Variants in COL17A1 observed in about 807,000 individuals in gnomAD.
COL17A1 encodes the protein collagen alpha-1(XVII) chain.
In COL17A1, 181 loss-of-function variants were observed where a neutral mutation model predicts 218.4. That is an observed-to-expected ratio of 0.83 (90% CI 0.73 to 0.94). The LOEUF (loss-of-function observed/expected upper bound fraction) is 0.94, where lower values mean the gene tolerates loss of function less well. Ranked by LOEUF, COL17A1 falls within the 40% of genes least tolerant of loss-of-function variation. The pLI is 0.00. For missense variants in COL17A1, 1,924 were observed against 1,945.9 expected (o/e 0.99, Z 0.21); for synonymous variants, 721 against 731.0 (o/e 0.99, Z 0.22).
Position 104,032,295 on chromosome 10 carries a change from AAGTT to A in COL17A1, c.4439-9_4439-6del. 6 of 1,613,534 alleles carry A rather than the reference AAGTT, an allele frequency of 3.7e-6. No homozygotes were observed. The highest frequency in any genetic ancestry group is 5.1e-6 in the Non-Finnish European group (6 of 1,179,456). On this transcript the variant is annotated splice_polypyrimidine_tract_variant and splice_region_variant and intron_variant, in intron 55 of 55. Transcript: ENST00000648076. ...GCCCAGCATAGACTTGGTCACCTGA[AAGTT>A]AGAAGATCAGTAGGAAGTTAAAACA...
At chr10:104,080,231 T>C (rs777308919) in intron 2 of COL17A1, among the ~76,000 whole-genome samples, 6 of 152,226 alleles carry the variant, frequency 3.9e-5, no homozygotes, top group Non-Finnish European at 8.8e-5. Context: ...AATTTATTTG[T>C]TTTCAATTTT....
chr10:104,078,179 C>G (rs1227507220), intron 3 of COL17A1, among the ~76,000 whole-genome samples: 2 of 152,148 alleles, frequency 1.3e-5, no homozygotes, highest in Non-Finnish European at 2.9e-5. Flanking sequence ...CAGGTTAGAT[C>G]AGATATCCAA....
intron 5 of COL17A1, 84 bp from the exon 6 acceptor site, chr10:104,074,315 T>C (rs2086691706): frequency 1.3e-6 from 2 of 1,589,470 alleles, no homozygotes; most frequent in Admixed American, 3.3e-5. Flanking sequence ...CTGTTACTTA[T>C]TTCTGGACCT....
chr10:104,051,531 A>C lies in COL17A1; in HGVS notation c.2003-15T>G, dbSNP rs2086469931. The C allele has an allele frequency of 6.2e-7, 1 of 1,613,864 alleles. No homozygotes were observed. The highest frequency in any genetic ancestry group is 8.5e-7 in the Non-Finnish European group (1 of 1,180,008). On this transcript the variant is annotated splice_polypyrimidine_tract_variant and intron_variant, in intron 24 of 55. Coordinates refer to ENST00000648076, the MANE Select transcript of COL17A1 (RefSeq NM_000494.4). ...GCCGCTGGAACCTGAGAAGGAGGAC[A>C]AGACAGCAATCAGCAGAGGGGCAGA...
intron 32 of COL17A1, 138 bp downstream of exon 32, chr10:104,046,609 A>T (rs2086412553): frequency 1.2e-6 from 1 of 801,598 alleles, no homozygotes; most frequent in East Asian, 2.6e-5. Flanking sequence ...GCTTCTCACG[A>T]CTCATAGTGA....
intron 10 of COL17A1, 72 bp downstream of exon 10, chr10:104,064,366 G>C (rs2086608038): frequency 6.2e-7 from 1 of 1,609,634 alleles, no homozygotes. Context: ...ACATTCTGAG[G>C]GTCATCCAGC....
chr10:104,033,560 G>T (rs551327370), intron 52 of COL17A1, among the ~76,000 whole-genome samples, 185 bp from the exon 53 acceptor site: 88 of 152,342 alleles, frequency 5.8e-4, no homozygotes, highest in African/African-American at 2.0e-3. Context: ...TCTTCCTGCT[G>T]TGGGCCGGCA....
intron 36 of COL17A1, 151 bp from the exon 37 acceptor site, chr10:104,041,689 GCAGCACCTCATCTGCTA>G: frequency 1.5e-6 from 1 of 684,510 alleles, no homozygotes; most frequent in Non-Finnish European, 2.6e-6. Context: ...ACAAGAGCCT[GCAGCACCTCATCTGCTA>G]AGGGTGCCCC....
At chr10:104,062,433 T>C (rs2086591159) in intron 11 of COL17A1, 104 bp from the exon 12 acceptor site, 1 of 1,493,462 alleles carries the variant, frequency 6.7e-7, no homozygotes, top group Non-Finnish European at 9.3e-7. Flanking sequence ...TCAATGGTTT[T>C]GCCAACAGAT....
chr10:104,033,196 T>C (rs745988200), intron 53 of COL17A1, 42 bp downstream of exon 53: 1 of 1,567,416 alleles, frequency 6.4e-7, no homozygotes, highest in East Asian at 2.3e-5. Context: ...TGGGAACCTA[T>C]GCAGTGAGGC....
chr10:104,035,216 C>T (rs745489995), intron 50 of COL17A1, 47 bp downstream of exon 50: 1 of 1,521,424 alleles, frequency 6.6e-7, no homozygotes, highest in South Asian at 1.2e-5. Flanking sequence ...GCCCCCAAGG[C>T]CCGGCTGCAT....
chr10:104,037,990 G>A (rs2086318136), intron 45 of COL17A1, among the ~76,000 whole-genome samples: 1 of 152,204 alleles, frequency 6.6e-6, no homozygotes, highest in Non-Finnish European at 1.5e-5. Flanking sequence ...AGTGGCCCAT[G>A]AGGGCTGTGG....
chr10:104,036,487 C>T lies in COL17A1; in HGVS notation c.3418+5G>A, dbSNP rs779833453. On this transcript the variant is annotated splice_donor_5th_base_variant and intron_variant, in intron 48 of 55. Coordinates refer to ENST00000648076, the MANE Select transcript of COL17A1 (RefSeq NM_000494.4). ...TTCCCAACCACCCCTCCTGCAGACACTTACTCGACATGTAGCTGAGAATGC... is the reference window on the plus strand; with the variant it reads ...TTCCCAACCACCCCTCCTGCAGACATTTACTCGACATGTAGCTGAGAATGC... 1.2e-6 allele frequency: 2 copies of T among 1,613,878 alleles called. No individual in the cohort carries two copies. Among genetic ancestry groups the T allele is most frequent in the Admixed American group, 3.3e-5 (2 of 60,006 alleles).
chr10:104,050,266 C>A, intron 27 of COL17A1, 142 bp from the exon 28 acceptor site: 1 of 1,279,822 alleles, frequency 7.8e-7, no homozygotes. Context: ...GAGGACACAG[C>A]ATTAATGCAG....
In COL17A1 at chr10:104,059,667, G is replaced by A; in HGVS notation, c.1193C>T (p.Ala398Val). 1.2e-6 allele frequency: 2 copies of A among 1,614,246 alleles called. No homozygotes were observed. The highest frequency in any genetic ancestry group is 1.7e-6 in the Non-Finnish European group (2 of 1,180,040). The change falls in exon 15 of 56, where the codon GCT (alanine) becomes GTT (valine). Residue 398 changes from alanine (A) to valine (V), a missense_variant. Physicochemically the swap from Ala to Val is moderately conservative, Grantham distance 64. Coordinates refer to ENST00000648076, the MANE Select transcript of COL17A1 (RefSeq NM_000494.4). Reference protein sequence around the residue: ...LKKEKQAAYNADSGLKAEANG... With the variant: ...LKKEKQAAYNVDSGLKAEANG... The stretch of plus-strand genomic sequence containing the variant: ...AGCTTCGGCTTTTAGGCCTGAGTCA[G>A]CATTGTAGGCAGCTTGCTTTTCTTT...
At position 104,053,075 on chromosome 10, in the gene COL17A1, C is replaced by T. The variant is rs533717233; in HGVS notation, c.1895G>A (p.Arg632His). 28 of 1,614,110 alleles carry T rather than the reference C, an allele frequency of 1.7e-5. No homozygotes were observed. The highest frequency in any genetic ancestry group is 1.6e-4 in the Middle Eastern group (1 of 6,062). Residue 632 changes from arginine (R) to histidine (H), a missense_variant, in exon 23 of 56, where the codon CGT (arginine) becomes CAT (histidine). Physicochemically the swap from Arg to His is conservative, Grantham distance 29 (BLOSUM62 0). Coordinates refer to ENST00000648076, the MANE Select transcript of COL17A1 (RefSeq NM_000494.4). ...AGATCCAGGAGGCCCTGCCTCACCA[C>T]GAGGTCCCATGGGGCCTTCTCGCCC... ...QRGREGPMGP[R>H]GEAGPPGSGE...
chr10:104,034,403 A>G, intron 51 of COL17A1, 69 bp from the exon 52 acceptor site: 1 of 1,506,638 alleles, frequency 6.6e-7, no homozygotes, highest in South Asian at 1.2e-5. Context: ...GGAGTTAGGG[A>G]GTCTCTCCCA....
At chr10:104,064,394 C>T (rs760789272) in intron 10 of COL17A1, 44 bp downstream of exon 10, 2 of 1,612,988 alleles carry the variant, frequency 1.2e-6, no homozygotes, top group East Asian at 2.2e-5. Flanking sequence ...TAGAGGCATG[C>T]CGAGTTCAGG....
chr10:104,040,533 G>A, intron 39 of COL17A1, 123 bp from the exon 40 acceptor site: 4 of 506,440 alleles, frequency 7.9e-6, no homozygotes, highest in South Asian at 6.5e-5. Flanking sequence ...TGGGTGGATG[G>A]ATGGATGAAT....
Sources: gnomAD v4.1 joint callset for allele counts (sites outside exome capture counted in the v4.1 genomes callset) on GRCh38, gnomAD v4.1.1 for gene constraint, MANE v1.5 for transcripts, NCBI Gene and HGNC (gene_info 2026-07-23, HGNC 2026-07-21) for gene names.